EGLN1: variants seen among roughly 807,000 people sequenced by gnomAD.
EGLN1 encodes the protein egl-9 family hypoxia inducible factor 1.
A neutral mutation model predicts 38.3 loss-of-function variants in EGLN1; 17 were observed. The ratio of observed to expected loss-of-function variants is 0.44; its 90% CI spans 0.30 to 0.67. The LOEUF is 0.67. Among genes scored for constraint, EGLN1 ranks in the 30% least tolerant of loss-of-function variants. The pLI, the probability that EGLN1 is intolerant of heterozygous loss-of-function variation, is 0.08. For synonymous variants in EGLN1, 283 were observed against 257.5 expected (o/e 1.10, Z -0.95); for missense variants, 477 against 603.3 (o/e 0.79, Z 2.19).
intron 1 of EGLN1, 91 bp downstream of exon 1, chr1:231,420,907 T>C (rs573977244): frequency 6.2e-6 from 10 of 1,610,804 alleles, no homozygotes; most frequent in Non-Finnish European, 8.5e-6. Context: ...TATAGAGGAA[T>C]GCTGCTTCTC....
chr1:231,391,049 G>A (rs1688353422), intron 1 of EGLN1, among the ~76,000 whole-genome samples: 1 of 109,368 alleles, frequency 9.1e-6, no homozygotes, highest in Non-Finnish European at 2.2e-5. Context: ...CACCACGACC[G>A]ACGCGTGTGT....
chr1:231,390,996 A>T (rs1209962412), intron 1 of EGLN1, among the ~76,000 whole-genome samples: 2 of 134,212 alleles, frequency 1.5e-5, no homozygotes, highest in African/African-American at 5.2e-5. Flanking sequence ...TACAGACGCA[A>T]GCCACCATGC....
At position 231,421,917 on chromosome 1, in the gene EGLN1, G is replaced by A; in HGVS notation, c.-29C>T. ...GGCGGCGGCGGCGGCGACGGCGACT[G>A]CGGCGGCCGAGCAGGAGGGGTAGCG... On this transcript the variant is annotated 5_prime_UTR_variant, in exon 1 of 5. Coordinates refer to ENST00000366641, the MANE Select transcript of EGLN1 (RefSeq NM_022051.3). This position sits in a 1 kb window ranked among gnomAD's most constrained non-coding sequence, Gnocchi z 5.5. 3 of 1,381,534 alleles carry A rather than the reference G, an allele frequency of 2.2e-6. No homozygotes were observed. Among genetic ancestry groups the A allele is most frequent in the East Asian group, 3.1e-5 (1 of 32,508 alleles). The allele number at this position is 1,381,534 out of a possible 1,614,324, so 85.6% of individuals were successfully genotyped here.
intron 1 of EGLN1, among the ~76,000 whole-genome samples, chr1:231,384,610 G>C (rs886142984): frequency 6.6e-6 from 1 of 152,106 alleles, no homozygotes; most frequent in African/African-American, 2.4e-5. Flanking sequence ...AGAGGAGGGA[G>C]GAAAGCAGAC....
intron 1 of EGLN1, among the ~76,000 whole-genome samples, chr1:231,412,488 T>C (rs945624489): frequency 6.6e-6 from 1 of 152,236 alleles, no homozygotes; most frequent in African/African-American, 2.4e-5. Context: ...TATTTCTTTT[T>C]ACGTGGATTC....
At chr1:231,386,276 AATT>A (rs1269326377) in intron 1 of EGLN1, among the ~76,000 whole-genome samples, 1 of 152,230 alleles carries the variant, frequency 6.6e-6, no homozygotes, top group Non-Finnish European at 1.5e-5. Flanking sequence ...ATTTACAAAT[AATT>A]ATCTCATTTC....
intron 1 of EGLN1, among the ~76,000 whole-genome samples, chr1:231,420,757 T>G (rs1410835457): frequency 6.6e-6 from 1 of 152,110 alleles, no homozygotes; most frequent in Admixed American, 6.5e-5. Flanking sequence ...CAAAAAACCA[T>G]GCAATTAGCC....
At chr1:231,376,810 G>A (rs980206945) in intron 1 of EGLN1, among the ~76,000 whole-genome samples, 3 of 152,166 alleles carry the variant, frequency 2.0e-5, no homozygotes, top group Non-Finnish European at 4.4e-5. Flanking sequence ...TAAATGAAGG[G>A]AGCGGCAAGT....
intron 1 of EGLN1, among the ~76,000 whole-genome samples, chr1:231,409,106 T>C (rs970455057): frequency 6.6e-6 from 1 of 152,078 alleles, no homozygotes; most frequent in African/African-American, 2.4e-5. Flanking sequence ...AATAGGAAAT[T>C]AGTTTTAAAT....
At position 231,399,762 on chromosome 1, in the gene EGLN1, G is replaced by A. The variant is rs557214528; in HGVS notation, c.891+21236C>T. ...CATACAACCAGCCAATGGCAGAGCT[G>A]GGTTTTAAATCTAGGCAACCCCCCT... On this transcript the variant is annotated intron_variant, in intron 1 of 4. Transcript: ENST00000366641. Among the ~76,000 whole-genome samples, 293 of 152,214 alleles carry A rather than the reference G, an allele frequency of 1.9e-3. 3 individuals carry two copies. The highest frequency in any genetic ancestry group is 6.8e-3 in the African/African-American group (283 of 41,550).
intron 1 of EGLN1, among the ~76,000 whole-genome samples, chr1:231,418,631 A>G (rs1018287922): frequency 3.3e-5 from 5 of 152,168 alleles, no homozygotes; most frequent in African/African-American, 1.2e-4. Flanking sequence ...TGGGAGGACA[A>G]GGCAGGAGGA....
chr1:231,415,753 C>T (rs986740321), intron 1 of EGLN1, among the ~76,000 whole-genome samples: 1 of 152,130 alleles, frequency 6.6e-6, no homozygotes, highest in South Asian at 2.1e-4. Flanking sequence ...GAGCAACTGA[C>T]GACTCAAGAA....
At chr1:231,412,525 T>C (rs1490882194) in intron 1 of EGLN1, among the ~76,000 whole-genome samples, 2 of 152,254 alleles carry the variant, frequency 1.3e-5, no homozygotes, top group East Asian at 3.8e-4. Context: ...GAGTGGTTCA[T>C]GCAAGGAAGC....
At chr1:231,389,014 T>G (rs1035917607) in intron 1 of EGLN1, among the ~76,000 whole-genome samples, 12 of 152,214 alleles carry the variant, frequency 7.9e-5, no homozygotes, top group African/African-American at 2.7e-4. Context: ...ATCTTATTAA[T>G]GTAACCTTTC....
chr1:231,413,599 G>A lies in EGLN1; in HGVS notation c.891+7399C>T, dbSNP rs76688008. On this transcript the variant is annotated intron_variant, in intron 1 of 4. Transcript: ENST00000366641. ...CGTGCCATGTATTACTTGTACATCTGTTTATTGACTGTCCCTCCCCACCCC... is the reference window on the plus strand; with the variant it reads ...CGTGCCATGTATTACTTGTACATCTATTTATTGACTGTCCCTCCCCACCCC... Among the ~76,000 whole-genome samples, 132 of 152,156 alleles carry A rather than the reference G, an allele frequency of 8.7e-4. 1 individual carries two copies. The East Asian group carries it at 0.022, about 26-fold the overall frequency.
At chr1:231,392,797 G>A (rs989982655) in intron 1 of EGLN1, among the ~76,000 whole-genome samples, 1 of 152,208 alleles carries the variant, frequency 6.6e-6, no homozygotes, top group Non-Finnish European at 1.5e-5. Flanking sequence ...TCACAGGTGA[G>A]ATTTTTCATC....
intron 1 of EGLN1, among the ~76,000 whole-genome samples, chr1:231,402,429 A>C (rs1688685618): frequency 6.6e-6 from 1 of 150,418 alleles, no homozygotes; most frequent in African/African-American, 2.4e-5. Context: ...TTATGGATTT[A>C]GGTCTTACTT....
At chr1:231,406,905 A>G (rs780516446) in intron 1 of EGLN1, among the ~76,000 whole-genome samples, 43 of 152,288 alleles carry the variant, frequency 2.8e-4, no homozygotes, top group Middle Eastern at 3.4e-3. Flanking sequence ...ATTATCACAC[A>G]TGACCTTTAG....
In EGLN1 at chr1:231,420,962, G is replaced by A. The variant is rs571166189; in HGVS notation, c.891+36C>T. The A allele has an allele frequency of 3.1e-6, 5 of 1,613,776 alleles. No homozygotes were observed. In the East Asian group the frequency reaches 6.7e-5, roughly 22 times the overall value. On this transcript the variant is annotated intron_variant, in intron 1 of 4. Transcript: ENST00000366641. Reference sequence around the variant, plus strand: ...GCAGGCAGGGGCTGCCCGCCGAGAAGGGCCTGTCCAGCACAAACCCGCAGC... The same window carrying A: ...GCAGGCAGGGGCTGCCCGCCGAGAAAGGCCTGTCCAGCACAAACCCGCAGC...
Sources: gnomAD v4.1 joint callset for allele counts (sites outside exome capture counted in the v4.1 genomes callset) on GRCh38, gnomAD v4.1.1 for gene constraint, Gnocchi (gnomAD v3.1) non-coding constraint, MANE v1.5 for transcripts, NCBI Gene and HGNC (gene_info 2026-07-23, HGNC 2026-07-21) for gene names.